The following RHBDD1 variants were observed in gnomAD, a reference collection of about 807,000 sequenced individuals.
RHBDD1 encodes rhomboid-related protein 4.
A neutral mutation model predicts 36.3 loss-of-function variants in RHBDD1; 38 were observed. The ratio of observed to expected loss-of-function variants is 1.05; its 90% CI spans 0.81 to 1.37. The LOEUF is 1.37. Ranked by LOEUF, RHBDD1 falls within the 40% of genes most tolerant of loss-of-function variation. RHBDD1 has a pLI of 0.00. For synonymous variants in RHBDD1, 151 were observed against 136.5 expected (o/e 1.11, Z -0.74); for missense variants, 393 against 377.6 (o/e 1.04, Z -0.34).
intron 5 of RHBDD1, 45 bp downstream of exon 5, chr2:226,867,363 C>T: frequency 6.4e-7 from 1 of 1,565,302 alleles, no homozygotes; most frequent in Non-Finnish European, 8.6e-7. Flanking sequence ...ACCTGATGTT[C>T]TGTGGAGAAA....
intron 8 of RHBDD1, among the ~76,000 whole-genome samples, chr2:226,994,030 G>T (rs1020069693): frequency 6.6e-6 from 1 of 152,184 alleles, no homozygotes; most frequent in Admixed American, 6.5e-5. Flanking sequence ...GAACATTTGG[G>T]TTCTGCAAAT....
the RHBDD1 span, among the ~76,000 whole-genome samples, chr2:226,830,279 C>T: frequency 5.3e-4 from 81 of 152,242 alleles, 1 homozygote; most frequent in East Asian, 0.014. Flanking sequence ...CTCCTTTCCA[C>T]CATGTAAGGA....
chr2:226,886,701 A>G (rs375453167), intron 5 of RHBDD1, among the ~76,000 whole-genome samples: 3 of 152,242 alleles, frequency 2.0e-5, no homozygotes, highest in Non-Finnish European at 2.9e-5. Flanking sequence ...AACAATAGTC[A>G]TAATCACTTG....
intron 3 of RHBDD1, among the ~76,000 whole-genome samples, chr2:226,841,136 T>G (rs1014874812): frequency 2.0e-5 from 3 of 152,066 alleles, no homozygotes; most frequent in African/African-American, 7.3e-5. Flanking sequence ...TTTCATTCAT[T>G]TATTTATTTT....
chr2:226,980,510 A>G (rs1955486323), intron 8 of RHBDD1, among the ~76,000 whole-genome samples: 1 of 152,136 alleles, frequency 6.6e-6, no homozygotes, highest in African/African-American at 2.4e-5. Flanking sequence ...TGACATGAGC[A>G]AGTCAGATCT....
intron 3 of RHBDD1, among the ~76,000 whole-genome samples, chr2:226,848,894 A>G (rs1942503995): frequency 6.6e-6 from 1 of 152,222 alleles, no homozygotes; most frequent in Non-Finnish European, 1.5e-5. Flanking sequence ...GTAATCATGT[A>G]AAGTTTGAGA....
chr2:226,987,049 CCAT>C (rs1957112541), intron 8 of RHBDD1, among the ~76,000 whole-genome samples: 1 of 152,100 alleles, frequency 6.6e-6, no homozygotes, highest in South Asian at 2.1e-4. Context: ...AAGCTGGAAA[CCAT>C]CATTCTCAGC....
chr2:226,890,179 A>G (rs1277251253), intron 5 of RHBDD1, among the ~76,000 whole-genome samples: 1 of 152,222 alleles, frequency 6.6e-6, no homozygotes, highest in Non-Finnish European at 1.5e-5. Flanking sequence ...GAATAAAATA[A>G]CTACAGATTT....
chr2:226,805,379 A>G, the RHBDD1 span, among the ~76,000 whole-genome samples: 1 of 152,092 alleles, frequency 6.6e-6, no homozygotes, highest in Non-Finnish European at 1.5e-5. Context: ...CGCCCAGGTA[A>G]TTTTTGTATT....
intron 8 of RHBDD1, among the ~76,000 whole-genome samples, chr2:226,949,499 G>C (rs1288634534): frequency 6.6e-6 from 1 of 152,146 alleles, no homozygotes; most frequent in African/African-American, 2.4e-5. Context: ...ATAAAGGGTA[G>C]GGCTGAGACT....
rs1257122979 is a variant in RHBDD1, at chr2:226,965,279, T to TG, written c.857-30149dup. On this transcript the variant is annotated intron_variant, in intron 8 of 8. Transcript: ENST00000392062. ...CCCAAGCTGGGCTAGAGGCATGGAATGGGTTCTCCTGCAGAGCCTCCAGAA... is the reference window on the plus strand; with the variant it reads ...CCCAAGCTGGGCTAGAGGCATGGAATGGGGTTCTCCTGCAGAGCCTCCAGAA... 3.9e-5 allele frequency among the ~76,000 whole-genome samples: 6 copies of TG among 152,314 alleles called. No individual in the cohort carries two copies. In the East Asian group the frequency reaches 1.2e-3, roughly 29 times the overall value.
the RHBDD1 span, among the ~76,000 whole-genome samples, chr2:226,816,450 C>T: frequency 2.0e-5 from 3 of 148,174 alleles, no homozygotes; most frequent in Non-Finnish European, 4.5e-5. Flanking sequence ...GAGAAGGTTA[C>T]TTTGAAGGTC....
intron 5 of RHBDD1, among the ~76,000 whole-genome samples, chr2:226,885,990 G>A (rs970584576): frequency 2.0e-5 from 3 of 152,178 alleles, no homozygotes; most frequent in Non-Finnish European, 4.4e-5. Context: ...GCAAGACAGC[G>A]TGAGATTTCA....
chr2:226,987,390 G>A (rs1575520619), intron 8 of RHBDD1, among the ~76,000 whole-genome samples: 1 of 152,202 alleles, frequency 6.6e-6, no homozygotes, highest in East Asian at 1.9e-4. Flanking sequence ...GACAAAATGT[G>A]TTGGAGGACA....
chr2:226,909,181 T>G (rs536708029), intron 7 of RHBDD1, among the ~76,000 whole-genome samples: 2 of 152,292 alleles, frequency 1.3e-5, no homozygotes, highest in South Asian at 4.1e-4. Flanking sequence ...AGTCTCAGTC[T>G]GAGACTCTAC....
chr2:226,867,156 G>A (rs1400641421), intron 4 of RHBDD1, 30 bp from the exon 5 acceptor site: 1 of 1,565,704 alleles, frequency 6.4e-7, no homozygotes, highest in East Asian at 2.3e-5. Context: ...TTGGATTGTT[G>A]ATATTTGCAT....
chr2:226,979,259 T>C (rs1955170556), intron 8 of RHBDD1, among the ~76,000 whole-genome samples: 1 of 152,134 alleles, frequency 6.6e-6, no homozygotes, highest in African/African-American at 2.4e-5. Flanking sequence ...TCAGTTCAGC[T>C]AAAAACTAGG....
upstream of RHBDD1, among the ~76,000 whole-genome samples, chr2:226,832,683 G>T (rs1019980656): frequency 3.9e-5 from 6 of 152,154 alleles, no homozygotes; most frequent in Non-Finnish European, 8.8e-5. Context: ...TCTTCTCAAT[G>T]TATTGACCCT....
At chr2:226,856,214 A>G (rs1314830062) in intron 3 of RHBDD1, among the ~76,000 whole-genome samples, 1 of 152,218 alleles carries the variant, frequency 6.6e-6, no homozygotes, top group African/African-American at 2.4e-5. Context: ...CACAATTTAC[A>G]TGTTATTCAA....
Sources: allele counts gnomAD v4.1 joint callset (sites outside exome capture counted in the v4.1 genomes callset), GRCh38; gene constraint gnomAD v4.1.1; transcripts MANE v1.5; gene names NCBI Gene and HGNC (gene_info 2026-07-23, HGNC 2026-07-21).